ANTXR2: variants seen among roughly 807,000 people sequenced by gnomAD.
ANTXR2 encodes anthrax toxin receptor 2.
A neutral mutation model predicts 73.7 loss-of-function variants in ANTXR2; 44 were observed. The ratio of observed to expected loss-of-function variants is 0.60; its 90% confidence interval spans 0.47 to 0.77. ANTXR2 has a LOEUF of 0.77. ANTXR2 is among the 30% of genes least tolerant of loss of function. ANTXR2 has a pLI of 0.00. For synonymous variants in ANTXR2, 217 were observed against 205.9 expected, an observed-to-expected ratio of 1.05 and a Z score of -0.46; for missense variants, 604 against 592.5, an observed-to-expected ratio of 1.02 and a Z score of -0.20.
chr4:79,909,202 G>A (rs1463341699), intron 16 of ANTXR2, among the ~76,000 whole-genome samples: 1 of 152,076 alleles, frequency 6.6e-6, no homozygotes, highest in African/African-American at 2.4e-5. Context: ...TCTTTTTCTT[G>A]TGTATTTGTA....
intron 16 of ANTXR2, among the ~76,000 whole-genome samples, chr4:79,922,271 A>G (rs1053945639): frequency 6.6e-6 from 1 of 152,102 alleles, no homozygotes; most frequent in African/African-American, 2.4e-5. Flanking sequence ...CATAGATGCC[A>G]CTGTGACCCA....
chr4:79,979,262 A>G (rs1729780416), intron 14 of ANTXR2, among the ~76,000 whole-genome samples: 1 of 152,208 alleles, frequency 6.6e-6, no homozygotes, highest in South Asian at 2.1e-4. Context: ...GAGCTTGTCC[A>G]ACCAGGAGTA....
intron 16 of ANTXR2, among the ~76,000 whole-genome samples, chr4:79,937,402 G>C (rs1442409177): frequency 6.6e-6 from 1 of 152,126 alleles, no homozygotes; most frequent in Non-Finnish European, 1.5e-5. Flanking sequence ...ACTGCATTTG[G>C]ACATATCTTC....
intron 16 of ANTXR2, among the ~76,000 whole-genome samples, chr4:79,929,763 G>A (rs954994524): frequency 6.6e-6 from 1 of 151,994 alleles, no homozygotes; most frequent in African/African-American, 2.4e-5. Context: ...AGGGAAACCA[G>A]TTACAAACAT....
Position 80,018,909 on chromosome 4 carries a change from C to T in ANTXR2, c.934G>A (p.Ala312Thr). 6.6e-7 allele frequency: 1 copy of T among 1,522,250 alleles called. No individual in the cohort carries two copies. The allele number at this position is 1,522,250 out of a possible 1,614,324, so 94.3% of individuals were successfully genotyped here. ...SVISGSLIVT[A>T]TECSNGIAAI... Reference sequence around the variant, plus strand: ...AAACTTTTACTTACACATTCTGTGGCTGTGACAATTAATGATCCTGAAATG... The same window carrying T: ...AAACTTTTACTTACACATTCTGTGGTTGTGACAATTAATGATCCTGAAATG... The change falls in exon 11 of 17, where the codon GCC becomes ACC. Residue 312 changes from alanine (A) to threonine (T), a missense_variant. Transcript: ENST00000403729.
chr4:79,912,621 T>C (rs185962402), intron 16 of ANTXR2, among the ~76,000 whole-genome samples: 2 of 152,182 alleles, frequency 1.3e-5, no homozygotes, highest in African/African-American at 4.8e-5. Flanking sequence ...GCAAAGTATA[T>C]AAAAAATGGT....
In ANTXR2 at chr4:79,903,091, G is replaced by C. The variant is rs1469683539; in HGVS notation, c.*4338C>G. On this transcript the variant is annotated 3_prime_UTR_variant, in exon 17 of 17. Coordinates refer to ENST00000403729, the MANE Select transcript of ANTXR2 (RefSeq NM_058172.6). Reference sequence around the variant, plus strand: ...TTGAACCCAGGAAGAGGAGGTTACAGTCAGCCCAGACCATGCCATTGAACT... The same window carrying C: ...TTGAACCCAGGAAGAGGAGGTTACACTCAGCCCAGACCATGCCATTGAACT... The C allele has an allele frequency of 6.6e-6, 1 of 151,652 alleles. No homozygotes were observed. The highest frequency in any genetic ancestry group is 1.5e-5 in the Non-Finnish European group (1 of 68,080). The allele number at this position is 151,652 out of a possible 1,614,324, so 9.4% of individuals were successfully genotyped here. A position where few individuals can be genotyped will look rare whatever the true frequency, so the allele number is the denominator to read the frequency against.
rs962074229 is a variant in ANTXR2, at chr4:79,973,191, T to C, written c.1428+4430A>G. Among the ~76,000 whole-genome samples the C allele has an allele frequency of 7.2e-5, 11 of 152,316 alleles. No individual in the cohort carries two copies. In the South Asian group the frequency reaches 1.9e-3, roughly 26 times the overall value. On this transcript the variant is annotated intron_variant, in intron 16 of 16. Coordinates refer to ENST00000403729, the MANE Select transcript of ANTXR2 (RefSeq NM_058172.6). ...AAACCAAAATAGTATGGTTTCCTAA[T>C]ACATACTGTAAACTTATAAAAAATG...
At chr4:80,017,000 T>C (rs1407113534) in intron 11 of ANTXR2, among the ~76,000 whole-genome samples, 1 of 152,262 alleles carries the variant, frequency 6.6e-6, no homozygotes, top group African/African-American at 2.4e-5. Flanking sequence ...CCACGTTTGC[T>C]GCTACTCGCA....
intron 11 of ANTXR2, among the ~76,000 whole-genome samples, chr4:80,013,207 C>A (rs1731682574): frequency 6.6e-6 from 1 of 152,194 alleles, no homozygotes; most frequent in Non-Finnish European, 1.5e-5. Flanking sequence ...AGACTCTAAT[C>A]TTAAATCTCT....
chr4:79,957,523 A>T (rs1219566014), intron 16 of ANTXR2, among the ~76,000 whole-genome samples: 1 of 152,106 alleles, frequency 6.6e-6, no homozygotes, highest in East Asian at 1.9e-4. Context: ...ATACTTTACT[A>T]CTGAAATTTA....
At chr4:79,922,062 T>G (rs1206237628) in intron 16 of ANTXR2, among the ~76,000 whole-genome samples, 2 of 152,060 alleles carry the variant, frequency 1.3e-5, no homozygotes, top group African/African-American at 4.8e-5. Flanking sequence ...CACACTATAC[T>G]TCCACATTCT....
intron 2 of ANTXR2, among the ~76,000 whole-genome samples, chr4:80,070,869 T>TA (rs1008724940): frequency 8.5e-4 from 125 of 146,832 alleles, no homozygotes; most frequent in Non-Finnish European, 1.6e-3. Flanking sequence ...ATTTTTTCTT[T>TA]AAAAAAAAAA....
intron 16 of ANTXR2, among the ~76,000 whole-genome samples, chr4:79,950,404 A>G (rs1007234268): frequency 2.6e-5 from 4 of 152,192 alleles, no homozygotes; most frequent in Non-Finnish European, 5.9e-5. Context: ...TCCAGTGGCT[A>G]CAAAAGTGTA....
chr4:80,055,666 A>G (rs1021600431), intron 4 of ANTXR2, among the ~76,000 whole-genome samples, 199 bp from the exon 5 acceptor site: 1 of 151,954 alleles, frequency 6.6e-6, no homozygotes, highest in Non-Finnish European at 1.5e-5. Flanking sequence ...GGTTTAAATT[A>G]TATAGATTTT....
chr4:79,957,724 T>C, intron 16 of ANTXR2, among the ~76,000 whole-genome samples: 1 of 152,118 alleles, frequency 6.6e-6, no homozygotes, highest in East Asian at 1.9e-4. Context: ...GAAGCCATTT[T>C]TTGTGGCCAA....
chr4:80,007,648 G>A (rs1244468503), intron 12 of ANTXR2, among the ~76,000 whole-genome samples: 2 of 152,160 alleles, frequency 1.3e-5, no homozygotes, highest in Non-Finnish European at 2.9e-5. Context: ...TGGGTTCAGA[G>A]TTAGAGGGAG....
chr4:80,034,383 A>C (rs765214452), intron 8 of ANTXR2, among the ~76,000 whole-genome samples: 15 of 152,156 alleles, frequency 9.9e-5, no homozygotes, highest in Non-Finnish European at 1.8e-4. Flanking sequence ...ATAAAATTTT[A>C]AATAGTTTAT....
At chr4:80,054,513 T>C (rs908312103) in intron 6 of ANTXR2, among the ~76,000 whole-genome samples, 161 bp from the exon 7 acceptor site, 1 of 151,798 alleles carries the variant, frequency 6.6e-6, no homozygotes, top group African/African-American at 2.4e-5. Flanking sequence ...GTGATGATAC[T>C]AGTGTTACTC....
Sources: gnomAD v4.1 joint callset for allele counts (sites outside exome capture counted in the v4.1 genomes callset) on GRCh38, gnomAD v4.1.1 for gene constraint, MANE v1.5 for transcripts, NCBI Gene and HGNC (gene_info 2026-07-23, HGNC 2026-07-21) for gene names.